The following CDC42BPA variants were observed in gnomAD, a reference collection of about 807,000 sequenced individuals.
CDC42BPA encodes CDC42 binding protein kinase alpha, also known as serine/threonine-protein kinase MRCK alpha.
Under a neutral mutation model 223.5 loss-of-function variants are expected in CDC42BPA, and 80 were observed. The observed-to-expected ratio is 0.36, with a 90% confidence interval of 0.30 to 0.43. The LOEUF is 0.43. CDC42BPA is among the 20% of genes least tolerant of loss of function. The probability of loss-of-function intolerance (pLI) is 1.00; values close to 1 mark genes in which losing one functional copy is unlikely to be tolerated. For missense variants in CDC42BPA, 1,743 were observed against 2,099.9 expected (o/e 0.83, Z 3.32); for synonymous variants, 694 against 718.6 (o/e 0.97, Z 0.55).
intron 3 of CDC42BPA, among the ~76,000 whole-genome samples, chr1:227,203,462 C>T (rs763568280): frequency 6.6e-6 from 1 of 152,118 alleles, no homozygotes; most frequent in Non-Finnish European, 1.5e-5. Flanking sequence ...TTAACCAAAT[C>T]ATGATGCACA....
At chr1:227,105,051 CAT>C (rs1451911831) in intron 14 of CDC42BPA, among the ~76,000 whole-genome samples, 1 of 152,112 alleles carries the variant, frequency 6.6e-6, no homozygotes, top group Non-Finnish European at 1.5e-5. Flanking sequence ...ATGTGATTCA[CAT>C]ATCATACAAA....
chr1:227,040,271 G>T, intron 23 of CDC42BPA, 35 bp from the exon 24 acceptor site: 2 of 1,343,554 alleles, frequency 1.5e-6, no homozygotes, highest in Non-Finnish European at 2.1e-6. Context: ...CACACAGATT[G>T]TTTAAAAGAT....
At chr1:227,017,993 G>C (rs1045197494) in intron 32 of CDC42BPA, among the ~76,000 whole-genome samples, 1 of 151,126 alleles carries the variant, frequency 6.6e-6, no homozygotes, top group Admixed American at 6.6e-5. Context: ...ATATGGCTTA[G>C]GCAGACTGCT....
At chr1:227,281,356 C>T (rs761743819) in intron 1 of CDC42BPA, among the ~76,000 whole-genome samples, 1 of 152,034 alleles carries the variant, frequency 6.6e-6, no homozygotes, top group Non-Finnish European at 1.5e-5. Context: ...GCCAGGGAAA[C>T]TCCAAAGCTC....
intron 15 of CDC42BPA, among the ~76,000 whole-genome samples, chr1:227,092,411 T>G (rs1182611803): frequency 6.6e-6 from 1 of 152,200 alleles, no homozygotes; most frequent in Non-Finnish European, 1.5e-5. Flanking sequence ...TACTTTAGAT[T>G]ATATAGTCAG....
chr1:227,074,834 T>C lies in CDC42BPA; in HGVS notation c.2481-470A>G, dbSNP rs145412479. Among the ~76,000 whole-genome samples the C allele has an allele frequency of 9.2e-5, 14 of 152,316 alleles. No individual in the cohort carries two copies. The East Asian group carries it at 2.7e-3, about 29-fold the overall frequency. ...TGCAAAAATCAGGGTTATATTGTAA[T>C]TAAGCTCTTCTGTTTTCTGAAATGA... On this transcript the variant is annotated intron_variant, in intron 17 of 36. Transcript: ENST00000366766.
chr1:227,283,588 T>C (rs568429035), intron 1 of CDC42BPA, among the ~76,000 whole-genome samples: 1 of 151,806 alleles, frequency 6.6e-6, no homozygotes, highest in South Asian at 2.1e-4. Flanking sequence ...CATATGGAGA[T>C]AAAAATGGAG....
In CDC42BPA at chr1:227,316,989, A is replaced by C. The variant is rs1694520896; in HGVS notation, c.178+16T>G. ...CAGCTAAAGATTAACAGTTTCTTTA[A>C]AAATTACAAACTTACCCCATTCTAG... On this transcript the variant is annotated intron_variant, in intron 1 of 36. Coordinates refer to ENST00000366766, the MANE Select transcript of CDC42BPA (RefSeq NM_001394014.1). The C allele has an allele frequency of 6.3e-7, 1 of 1,596,810 alleles. No homozygotes were observed. The highest frequency in any genetic ancestry group is 1.1e-5 in the South Asian group (1 of 90,602).
intron 2 of CDC42BPA, among the ~76,000 whole-genome samples, chr1:227,216,255 T>C (rs558858901): frequency 1.3e-5 from 2 of 152,118 alleles, no homozygotes; most frequent in African/African-American, 2.4e-5. Context: ...CACATAAAAT[T>C]TGAAGCATGG....
intron 1 of CDC42BPA, among the ~76,000 whole-genome samples, chr1:227,286,633 C>G (rs541238820): frequency 6.6e-6 from 1 of 152,266 alleles, no homozygotes; most frequent in East Asian, 1.9e-4. Context: ...ATCTTTATAG[C>G]AACATTCCAC....
intron 12 of CDC42BPA, among the ~76,000 whole-genome samples, chr1:227,118,613 C>A (rs1245373864): frequency 2.0e-5 from 3 of 152,086 alleles, no homozygotes; most frequent in Admixed American, 1.3e-4. Flanking sequence ...TTTTCATCCT[C>A]TTTCCAAAGG....
At chr1:227,224,483 C>T (rs958418685) in intron 2 of CDC42BPA, among the ~76,000 whole-genome samples, 30 of 152,220 alleles carry the variant, frequency 2.0e-4, no homozygotes, top group Middle Eastern at 6.8e-3. Flanking sequence ...GCGCCCACTT[C>T]GGCCTCCCAA....
intron 1 of CDC42BPA, among the ~76,000 whole-genome samples, chr1:227,279,495 A>G (rs1687671701): frequency 6.6e-6 from 1 of 152,090 alleles, no homozygotes. Flanking sequence ...ACCATACCAG[A>G]AAATTAAAGT....
chr1:227,293,147 C>A (rs1689989506), intron 1 of CDC42BPA, among the ~76,000 whole-genome samples: 1 of 152,068 alleles, frequency 6.6e-6, no homozygotes. Flanking sequence ...TATTGAGTGC[C>A]TACAATACAC....
At chr1:227,131,225 A>T (rs2149522178) in intron 10 of CDC42BPA, among the ~76,000 whole-genome samples, 2 of 152,284 alleles carry the variant, frequency 1.3e-5, no homozygotes, top group East Asian at 3.9e-4. Context: ...TTTACCCGAC[A>T]TCTATTCATC....
At chr1:227,210,103 T>C (rs1287309429) in intron 3 of CDC42BPA, among the ~76,000 whole-genome samples, 1 of 152,218 alleles carries the variant, frequency 6.6e-6, no homozygotes, top group Non-Finnish European at 1.5e-5. Context: ...TCACACATTT[T>C]CTTAATCCAG....
chr1:227,039,998 T>C, intron 24 of CDC42BPA, 133 bp downstream of exon 24: 1 of 671,506 alleles, frequency 1.5e-6, no homozygotes, highest in Non-Finnish European at 2.7e-6. Flanking sequence ...CAACACAGAT[T>C]ATTTCCATTC....
chr1:227,310,541 C>T (rs919888009), intron 1 of CDC42BPA, among the ~76,000 whole-genome samples: 2 of 152,010 alleles, frequency 1.3e-5, no homozygotes, highest in Non-Finnish European at 2.9e-5. Flanking sequence ...TTAGCCATTC[C>T]CTACGTACTG....
chr1:227,317,802 CTCGGAGCACGCCAAGTCT>C lies in CDC42BPA; in HGVS notation c.-638_-621del, dbSNP rs1297156854. On this transcript the variant is annotated 5_prime_UTR_variant, in exon 1 of 37. Transcript: ENST00000366766. ...CGAGGTCCCTGAAGCAGCCCCTCGG[CTCGGAGCACGCCAAGTCT>C]TGCCCGGAGGCGGCTTTTCGTTTCT... The C allele has an allele frequency of 1.5e-5, 6 of 398,726 alleles. No individual in the cohort carries two copies. In the East Asian group the frequency reaches 2.1e-4, roughly 14 times the overall value. 24.7% of individuals were successfully genotyped at this position (398,726 alleles called of 1,614,324 possible). A position where few individuals can be genotyped will look rare whatever the true frequency, so the allele number is the denominator to read the frequency against.
Sources: allele counts gnomAD v4.1 joint callset (sites outside exome capture counted in the v4.1 genomes callset), GRCh38; gene constraint gnomAD v4.1.1; transcripts MANE v1.5; gene names NCBI Gene and HGNC (gene_info 2026-07-23, HGNC 2026-07-21).